The following TARBP1 variants were observed in gnomAD, a reference collection of about 807,000 sequenced individuals.
The protein encoded by TARBP1 is tRNA (guanosine(18)-2'-O)-methyltransferase TARBP1.
In TARBP1, 144 loss-of-function variants were observed where a neutral mutation model predicts 178.6. The observed-to-expected ratio is 0.81, with a 90% confidence interval of 0.70 to 0.93. The LOEUF (loss-of-function observed/expected upper bound fraction) is 0.93, where lower values mean the gene tolerates loss of function less well. Among genes scored for constraint, TARBP1 ranks in the 40% least tolerant of loss-of-function variants. TARBP1 has a pLI of 0.00. For synonymous variants in TARBP1, 787 were observed against 781.0 expected (o/e 1.01, Z -0.13); for missense variants, 2,067 against 2,011.7 (o/e 1.03, Z -0.53).
intron 1 of TARBP1, among the ~76,000 whole-genome samples, chr1:234,473,980 C>T (rs987130223): frequency 1.3e-5 from 2 of 152,030 alleles, no homozygotes; most frequent in African/African-American, 2.4e-5. Context: ...GTGGCTCATG[C>T]CTGTAATCCC....
chr1:234,396,389 C>T (rs558418595), intron 26 of TARBP1, among the ~76,000 whole-genome samples: 62 of 152,304 alleles, frequency 4.1e-4, no homozygotes, highest in African/African-American at 1.4e-3. Flanking sequence ...ACAGACCTTG[C>T]CTTGCCTTGC....
Position 234,478,428 on chromosome 1 carries a change from C to T in TARBP1, c.676G>A (p.Val226Ile). Reference sequence around the variant, plus strand: ...CTCAGGACCAGCAGCTTCTCCTCTACGCGGCCGGACCCCAGGGACGCCCCA... The same window carrying T: ...CTCAGGACCAGCAGCTTCTCCTCTATGCGGCCGGACCCCAGGGACGCCCCA... Reference protein sequence around the residue: ...APGASLGSGRVEEKLLVLSAL... With the variant: ...APGASLGSGRIEEKLLVLSAL... The change falls in exon 1 of 30, where the codon GTA becomes ATA. Residue 226 changes from valine (V) to isoleucine (I), a missense_variant. By Grantham distance (29) the Val-to-Ile change is conservative (BLOSUM62 3). Coordinates refer to ENST00000040877, the MANE Select transcript of TARBP1 (RefSeq NM_005646.4). 2 of 1,386,942 alleles carry T rather than the reference C, an allele frequency of 1.4e-6. No individual in the cohort carries two copies. The highest frequency in any genetic ancestry group is 2.9e-5 in the South Asian group (2 of 69,416). 85.9% of individuals were successfully genotyped at this position (1,386,942 alleles called of 1,614,324 possible).
intron 9 of TARBP1, among the ~76,000 whole-genome samples, chr1:234,454,849 T>C (rs1667125358): frequency 6.6e-6 from 1 of 152,172 alleles, no homozygotes; most frequent in Non-Finnish European, 1.5e-5. Context: ...AAAAGGAGCT[T>C]TGCAGATTTA....
intron 22 of TARBP1, among the ~76,000 whole-genome samples, chr1:234,414,942 C>T (rs973661737): frequency 6.6e-6 from 1 of 152,038 alleles, no homozygotes; most frequent in African/African-American, 2.4e-5. Context: ...CAATATCGCA[C>T]CACTGCACTC....
rs1572293066 is a variant in TARBP1, at chr1:234,429,574, T to G, written c.2713A>C (p.Thr905Pro). The part of the protein sequence containing the change: ...CLSFLLKKYH[T>P]LIPTTGSEIL... Reference sequence around the variant, plus strand: ...TCACTCCCTGTGGTTGGTATAAGGGTGTGATATTTTTTCAACAGGAAAGAG... The same window carrying G: ...TCACTCCCTGTGGTTGGTATAAGGGGGTGATATTTTTTCAACAGGAAAGAG... Residue 905 changes from threonine (T) to proline (P), a missense_variant, in exon 16 of 30, where the codon ACC becomes CCC. Transcript: ENST00000040877. The G allele has an allele frequency of 6.2e-7, 1 of 1,613,834 alleles. No individual in the cohort carries two copies. The highest frequency in any genetic ancestry group is 2.2e-5 in the East Asian group (1 of 44,844).
chr1:234,471,021 G>C (rs938130082), intron 3 of TARBP1, among the ~76,000 whole-genome samples, 167 bp downstream of exon 3: 1 of 152,044 alleles, frequency 6.6e-6, no homozygotes, highest in Non-Finnish European at 1.5e-5. Flanking sequence ...TGTGTATCTG[G>C]AATGGTAACA....
chr1:234,465,651 T>C lies in TARBP1; in HGVS notation c.1301+5A>G. On this transcript the variant is annotated splice_donor_5th_base_variant and intron_variant, in intron 5 of 29. Coordinates refer to ENST00000040877, the MANE Select transcript of TARBP1 (RefSeq NM_005646.4). ...CAAATACTTCATAACATAATGTCTC[T>C]TTACCTGCTATACAGAGAGCTCTCT... 1 of 1,566,212 alleles carries C rather than the reference T, an allele frequency of 6.4e-7. No individual in the cohort carries two copies. The highest frequency in any genetic ancestry group is 8.6e-7 in the Non-Finnish European group (1 of 1,164,644).
Position 234,478,206 on chromosome 1 carries a change from C to A in TARBP1, c.898G>T (p.Ala300Ser), listed in dbSNP as rs773926262. The stretch of plus-strand genomic sequence containing the variant: ...TCCTGGGGCCCGCAGGTGCAGTCGG[C>A]CCCCAGCTCCGCCGACACCTCCACC... ...RAVEVSAELGADCTCGPQEGN... is the reference protein window; with the variant it reads ...RAVEVSAELGSDCTCGPQEGN... The change falls in exon 1 of 30, where the codon GCC (alanine) becomes TCC (serine). Residue 300 changes from alanine to serine, a missense_variant. Physicochemically the swap from Ala to Ser is moderately conservative, Grantham distance 99. Transcript: ENST00000040877. 1.2e-6 allele frequency: 2 copies of A among 1,611,660 alleles called. No homozygotes were observed. The highest frequency in any genetic ancestry group is 1.7e-6 in the Non-Finnish European group (2 of 1,179,472).
At chr1:234,459,175 T>C in intron 8 of TARBP1, 55 bp downstream of exon 8, 1 of 1,374,470 alleles carries the variant, frequency 7.3e-7, no homozygotes, top group Non-Finnish European at 1.0e-6. Flanking sequence ...CTCATTTCTG[T>C]ACACCCACTC....
At chr1:234,471,486 T>C (rs771067146) in intron 2 of TARBP1, among the ~76,000 whole-genome samples, 17 of 152,246 alleles carry the variant, frequency 1.1e-4, no homozygotes, top group Non-Finnish European at 1.8e-4. Context: ...GTCTACCATT[T>C]ATACAGTGAT....
Position 234,457,738 on chromosome 1 carries a change from C to T in TARBP1, c.1651G>A (p.Asp551Asn), listed in dbSNP as rs781459200. ...AGAGACATGAGAAAAGTTGAGACAT[C>T]AGAAAGTGACACTTTCTCCTGGGCA... is the stretch of plus-strand genomic sequence containing the variant. ...LLDVEKVSLS[D>N]VSTFLMSLRQ... Residue 551 changes from aspartate to asparagine, a missense_variant, in exon 9 of 30, where the codon GAT becomes AAT. Asp to Asn is a conservative substitution (Grantham distance 23). Transcript: ENST00000040877. 1.2e-6 allele frequency: 2 copies of T among 1,608,552 alleles called. No homozygotes were observed. Among genetic ancestry groups the T allele is most frequent in the Non-Finnish European group, 1.7e-6 (2 of 1,176,672 alleles).
rs752312887 is a variant in TARBP1 at position 234,450,514 on chromosome 1, C to T, written c.1775G>A (p.Cys592Tyr). 1.9e-6 allele frequency: 3 copies of T among 1,611,882 alleles called. No homozygotes were observed. The highest frequency in any genetic ancestry group is 2.2e-5 in the South Asian group (2 of 90,682). The change falls in exon 10 of 30, where the codon TGT becomes TAT. Residue 592 changes from cysteine to tyrosine, a missense_variant. Transcript: ENST00000040877. ...NESYFKPSPT[C>Y]SSIGLHKTSL... ...TGTCTTGTGAAGTCCAATGGAGCTA[C>T]ACGTAGGGGATGGCTTAAAATAGCT...
intron 29 of TARBP1, 141 bp downstream of exon 29, chr1:234,392,275 G>T (rs1041178198): frequency 4.8e-6 from 5 of 1,037,752 alleles, no homozygotes; most frequent in African/African-American, 1.6e-5. Flanking sequence ...GGCAGAGGTT[G>T]TAGTGAGCCG....
At chr1:234,472,329 CAAAAAA>C (rs1160411119) in intron 2 of TARBP1, among the ~76,000 whole-genome samples, 5 of 46,080 alleles carry the variant, frequency 1.1e-4, no homozygotes, top group South Asian at 8.8e-4. Context: ...ACTCTGTCTC[CAAAAAA>C]AAAAAAAAAA....
chr1:234,471,673 T>C (rs7512203), intron 2 of TARBP1, among the ~76,000 whole-genome samples: 8,684 of 152,280 alleles, frequency 0.057, 267 homozygotes, highest in Middle Eastern at 0.12. Context: ...TAATACCACA[T>C]AGCCAAAGTT....
intron 11 of TARBP1, among the ~76,000 whole-genome samples, chr1:234,447,359 A>C (rs1666288164): frequency 1.3e-5 from 2 of 151,268 alleles, no homozygotes; most frequent in Non-Finnish European, 2.9e-5. Context: ...AAAAAAAAAA[A>C]AAAACCTAAG....
In TARBP1 at chr1:234,446,892, T is replaced by C. The variant is rs771645761; in HGVS notation, c.2045A>G (p.Tyr682Cys). ...TCTGTCAGTCTTCAGCAAGGGCATG[T>C]AGGCATTGGTACTAAACTTCATAAG... ...DVLMKFSTNA[Y>C]MPLLKTDRCL... is the part of the protein sequence containing the mutation. Residue 682 changes from tyrosine (Y) to cysteine (C), a missense_variant, in exon 12 of 30, where the codon TAC becomes TGC. Coordinates refer to ENST00000040877, the MANE Select transcript of TARBP1 (RefSeq NM_005646.4). 4.3e-6 allele frequency: 7 copies of C among 1,614,058 alleles called. No individual in the cohort carries two copies. The highest frequency in any genetic ancestry group is 3.3e-5 in the South Asian group (3 of 91,082).
At chr1:234,450,385 AT>A in intron 10 of TARBP1, 42 bp downstream of exon 10, 1 of 1,490,448 alleles carries the variant, frequency 6.7e-7, no homozygotes, top group Non-Finnish European at 9.0e-7. Context: ...TTCTTTGAAA[AT>A]ATTTTGGTTA....
intron 1 of TARBP1, among the ~76,000 whole-genome samples, chr1:234,474,266 ACACACACACACACAC>A (rs1669365708): frequency 6.6e-6 from 1 of 150,754 alleles, no homozygotes; most frequent in Non-Finnish European, 1.5e-5. Flanking sequence ...ACACACACAC[ACACACACACACACAC>A]ACACACAAAG....
Sources: gnomAD v4.1 joint callset for allele counts (sites outside exome capture counted in the v4.1 genomes callset) on GRCh38, gnomAD v4.1.1 for gene constraint, MANE v1.5 for transcripts, NCBI Gene and HGNC (gene_info 2026-07-23, HGNC 2026-07-21) for gene names.